The following SLC12A6 variants were observed in gnomAD, a reference collection of about 807,000 sequenced individuals.
SLC12A6 encodes the protein solute carrier family 12 member 6.
SLC12A6 carries 66 observed loss-of-function variants against 135.3 expected under a neutral mutation model. The observed-to-expected ratio is 0.49, with a 90% CI of 0.40 to 0.60. The LOEUF (loss-of-function observed/expected upper bound fraction) is 0.60, where lower values mean the gene tolerates loss of function less well. Among genes scored for constraint, SLC12A6 ranks in the 20% least tolerant of loss-of-function variants. SLC12A6 has a pLI of 0.00. For missense variants in SLC12A6, 1,058 were observed against 1,452.3 expected, an observed-to-expected ratio of 0.73 and a Z score of 4.41; for synonymous variants, 513 against 508.8, an observed-to-expected ratio of 1.01 and a Z score of -0.11.
At chr15:34,257,838 G>A in intron 5 of SLC12A6, 50 bp from the exon 6 acceptor site, 1 of 1,348,534 alleles carries the variant, frequency 7.4e-7, no homozygotes, top group South Asian at 1.2e-5. Context: ...CTAAAGAGAG[G>A]TTTTTATTCT....
intron 10 of SLC12A6, 61 bp downstream of exon 10, chr15:34,252,109 T>C (rs1892431099): frequency 4.9e-6 from 4 of 815,878 alleles, no homozygotes; most frequent in Admixed American, 1.9e-5. Flanking sequence ...GAATCTAAGA[T>C]GACAAGGCCT....
At chr15:34,278,718 C>T (rs1894466752) in intron 2 of SLC12A6, among the ~76,000 whole-genome samples, 1 of 151,714 alleles carries the variant, frequency 6.6e-6, no homozygotes, top group African/African-American at 2.4e-5. Flanking sequence ...TTATAGGTGC[C>T]CACCACCACG....
intron 4 of SLC12A6, 100 bp downstream of exon 4, chr15:34,260,826 A>G (rs1893069045): frequency 2.8e-6 from 2 of 705,572 alleles, no homozygotes; most frequent in Non-Finnish European, 5.2e-6. Flanking sequence ...ACATTAAATT[A>G]TCCAGCTTGT....
chr15:34,278,304 G>A (rs1174294654), intron 2 of SLC12A6, among the ~76,000 whole-genome samples: 1 of 152,000 alleles, frequency 6.6e-6, no homozygotes, highest in African/African-American at 2.4e-5. Context: ...GCGTGCACCT[G>A]TAATCTCAGC....
At chr15:34,252,145 C>T (rs1892434639) in intron 10 of SLC12A6, 25 bp downstream of exon 10, 2 of 1,255,284 alleles carry the variant, frequency 1.6e-6, no homozygotes, top group African/African-American at 3.0e-5. Context: ...TAGGAAAAAA[C>T]TTGTCCAATA....
At chr15:34,255,183 T>C (rs1892663621) in intron 8 of SLC12A6, 79 bp downstream of exon 8, 1 of 1,172,386 alleles carries the variant, frequency 8.5e-7, no homozygotes, top group Non-Finnish European at 1.3e-6. Flanking sequence ...AGCTGATCTC[T>C]CAGAAGCTTT....
At chr15:34,238,717 A>G in intron 20 of SLC12A6, 5 of 603,734 alleles carry the variant, frequency 8.3e-6, no homozygotes, top group Non-Finnish European at 1.5e-5. Context: ...GAAAATCACA[A>G]ATGAAAACAC....
Position 34,230,860 on chromosome 15 carries a change from T to C in SLC12A6, c.*3021A>G, listed in dbSNP as rs1890877359. ...GTGTTTCGGGCTGAAGCAGTGGTTA[T>C]ATTAAAAGCCACTAATTCCCTTATC... On this transcript the variant is annotated 3_prime_UTR_variant, in exon 26 of 26. Coordinates refer to ENST00000354181, the MANE Select transcript of SLC12A6 (RefSeq NM_001365088.1). The C allele has an allele frequency of 6.6e-6, 1 of 152,662 alleles. No homozygotes were observed. Among genetic ancestry groups the C allele is most frequent in the Non-Finnish European group, 1.5e-5 (1 of 68,054 alleles). The allele number at this position is 152,662 out of a possible 1,614,324, so 9.5% of individuals were successfully genotyped here. A position where few individuals can be genotyped will look rare whatever the true frequency, so the allele number is the denominator to read the frequency against.
intron 2 of SLC12A6, chr15:34,318,616 A>T: frequency 6.2e-7 from 1 of 1,613,842 alleles, no homozygotes; most frequent in Non-Finnish European, 8.5e-7. Context: ...TAGGCTCTTG[A>T]GAGATCGAAG....
intron 2 of SLC12A6, among the ~76,000 whole-genome samples, chr15:34,323,882 A>C (rs1389982189): frequency 6.6e-6 from 1 of 151,384 alleles, no homozygotes; most frequent in Non-Finnish European, 1.5e-5. Context: ...CTGAGGCTGC[A>C]ATGAGCCCTA....
intron 2 of SLC12A6, among the ~76,000 whole-genome samples, chr15:34,306,944 T>C (rs1262191772): frequency 2.0e-5 from 3 of 152,172 alleles, no homozygotes; most frequent in Non-Finnish European, 4.4e-5. Context: ...TACATTTATA[T>C]AAAATTCTAG....
rs1894536358 is a variant in SLC12A6 at position 34,279,606 on chromosome 15, C to T, written c.272-4217G>A. 2.0e-5 allele frequency among the ~76,000 whole-genome samples: 3 copies of T among 152,150 alleles called. No homozygotes were observed. The South Asian group carries it at 6.2e-4, about 32-fold the overall frequency. On this transcript the variant is annotated intron_variant, in intron 2 of 25. Coordinates refer to ENST00000354181, the MANE Select transcript of SLC12A6 (RefSeq NM_001365088.1). The stretch of plus-strand genomic sequence containing the variant: ...TGACTATGTCATTGGTGAGGGCACA[C>T]CCAAGTTTGCCTAAGACTGGGAGTT...
At chr15:34,274,879 A>G (rs569209809) in intron 3 of SLC12A6, among the ~76,000 whole-genome samples, 1 of 152,330 alleles carries the variant, frequency 6.6e-6, no homozygotes, top group East Asian at 1.9e-4. Context: ...CAGAGGAAGT[A>G]AATTCATTTC....
chr15:34,311,207 G>T (rs1888231530), intron 2 of SLC12A6, among the ~76,000 whole-genome samples: 1 of 152,094 alleles, frequency 6.6e-6, no homozygotes, highest in South Asian at 2.1e-4. Context: ...TCCAGTGAAG[G>T]CAAGTTTATC....
chr15:34,310,443 G>A (rs1457580925), intron 2 of SLC12A6, among the ~76,000 whole-genome samples: 92 of 111,884 alleles, frequency 8.2e-4, no homozygotes, highest in African/African-American at 3.5e-3. Context: ...GTGTGTCCCC[G>A]TGTCCAGGCT....
rs538257454 is a variant in SLC12A6 at position 34,233,289 on chromosome 15, G to C, written c.*592C>G. The C allele has an allele frequency of 1.3e-5, 2 of 155,650 alleles. No individual in the cohort carries two copies. Among genetic ancestry groups the C allele is most frequent in the Admixed American group, 1.2e-4 (2 of 16,040 alleles). 9.6% of individuals were successfully genotyped at this position (155,650 alleles called of 1,614,324 possible). ...ATATTTAAATCTGGTATTTTGGGGG[G>C]ATGTTTTTGAAGAAGTAGAGGCTGC... On this transcript the variant is annotated 3_prime_UTR_variant, in exon 26 of 26. Coordinates refer to ENST00000354181, the MANE Select transcript of SLC12A6 (RefSeq NM_001365088.1).
chr15:34,255,436 T>A (rs776185617), intron 7 of SLC12A6, 44 bp from the exon 8 acceptor site: 2 of 1,422,618 alleles, frequency 1.4e-6, no homozygotes, highest in Admixed American at 1.7e-5. Context: ...GAGTGTGTAT[T>A]AGCAAGAGGA....
intron 3 of SLC12A6, among the ~76,000 whole-genome samples, chr15:34,267,204 T>C (rs1445626276): frequency 6.6e-6 from 1 of 151,444 alleles, no homozygotes; most frequent in African/African-American, 2.4e-5. Context: ...ACTTACCTAA[T>C]ATTGGTGTCC....
intron 20 of SLC12A6, 31 bp downstream of exon 20, chr15:34,238,934 C>T: frequency 6.4e-7 from 1 of 1,572,498 alleles, no homozygotes; most frequent in Non-Finnish European, 8.8e-7. Context: ...TCGACTTGGG[C>T]CTTTAGGTTT....
Sources: gnomAD v4.1 joint callset for allele counts (sites outside exome capture counted in the v4.1 genomes callset) on GRCh38, gnomAD v4.1.1 for gene constraint, MANE v1.5 for transcripts, NCBI Gene and HGNC (gene_info 2026-07-23, HGNC 2026-07-21) for gene names.